The following IFI6 variants were observed in gnomAD, a reference collection of about 807,000 sequenced individuals.
IFI6 encodes interferon alpha-inducible protein 6.
Under a neutral mutation model 12.7 loss-of-function variants are expected in IFI6, and 10 were observed. That is an observed-to-expected ratio of 0.79 (90% CI 0.49 to 1.33). IFI6 has a LOEUF of 1.33. Among genes scored for constraint, IFI6 ranks in the 40% most tolerant of loss-of-function variants. The pLI is 0.00. For synonymous variants in IFI6, 89 were observed against 86.2 expected (o/e 1.03, Z -0.18); for missense variants, 154 against 180.4 (o/e 0.85, Z 0.84).
chr1:27,667,896 C>A (rs577855180), intron 4 of IFI6, among the ~76,000 whole-genome samples: 2 of 152,342 alleles, frequency 1.3e-5, no homozygotes, highest in East Asian at 1.9e-4. Flanking sequence ...CATGGTGAAA[C>A]CCCATCTCTA....
In IFI6 at chr1:27,666,227, T is replaced by C; in HGVS notation, c.*154A>G. On this transcript the variant is annotated 3_prime_UTR_variant, in exon 5 of 5. Transcript: ENST00000361157. ...CTAGGAGTTGGAGGCTGCAGTGTAC[T>C]ATGTTCGCATCTGTGAATAGCCACT... The C allele has an allele frequency of 1.8e-6, 1 of 548,372 alleles. No individual in the cohort carries two copies. Among genetic ancestry groups the C allele is most frequent in the Non-Finnish European group, 3.2e-6 (1 of 314,490 alleles). 34.0% of individuals were successfully genotyped at this position (548,372 alleles called of 1,614,324 possible).
intron 2 of IFI6, among the ~76,000 whole-genome samples, chr1:27,668,852 C>T (rs1252604135): frequency 6.6e-6 from 1 of 152,028 alleles, no homozygotes; most frequent in Non-Finnish European, 1.5e-5. Context: ...CTCTACACCC[C>T]GGACCCTGAA....
At chr1:27,668,141 A>C in intron 4 of IFI6, 85 bp downstream of exon 4, 1 of 1,203,030 alleles carries the variant, frequency 8.3e-7, no homozygotes, top group Non-Finnish European at 1.1e-6. Context: ...AAATTACTTA[A>C]TTCCTGAGTG....
At chr1:27,669,443 C>T (rs1400108838) in intron 1 of IFI6, 97 bp from the exon 2 acceptor site, 4 of 745,162 alleles carry the variant, frequency 5.4e-6, no homozygotes, top group Non-Finnish European at 9.1e-6. Context: ...CAGTAAAAAG[C>T]AGCGAGGTGT....
intron 1 of IFI6, 157 bp from the exon 2 acceptor site, chr1:27,669,503 T>C: frequency 1.7e-6 from 1 of 580,660 alleles, no homozygotes; most frequent in South Asian, 1.9e-5. Flanking sequence ...ATCCGTTTCC[T>C]CTCCGCATCA....
intron 1 of IFI6, 83 bp from the exon 2 acceptor site, chr1:27,669,429 G>T: frequency 1.2e-6 from 1 of 828,874 alleles, no homozygotes; most frequent in Non-Finnish European, 2.0e-6. Context: ...AGTTCCAACT[G>T]AATCAGTAAA....
intron 1 of IFI6, 53 bp from the exon 2 acceptor site, chr1:27,669,399 G>C: frequency 1.8e-6 from 2 of 1,130,206 alleles, no homozygotes; most frequent in Middle Eastern, 1.9e-4. Context: ...GAGCTCATCA[G>C]CTCCGTTGTT....
In IFI6 at chr1:27,666,236, A is replaced by G. The variant is rs2090349534; in HGVS notation, c.*145T>C. 1.8e-6 allele frequency: 1 copy of G among 544,554 alleles called. No individual in the cohort carries two copies. Among genetic ancestry groups the G allele is most frequent in the Non-Finnish European group, 3.1e-6 (1 of 321,586 alleles). The allele number at this position is 544,554 out of a possible 1,614,324, so 33.7% of individuals were successfully genotyped here. A position where few individuals can be genotyped will look rare whatever the true frequency, so the allele number is the denominator to read the frequency against. ...GGAGGCTGCAGTGTACTATGTTCGC[A>G]TCTGTGAATAGCCACTGCACTCTAG... On this transcript the variant is annotated 3_prime_UTR_variant, in exon 5 of 5. Coordinates refer to ENST00000361157, the MANE Select transcript of IFI6 (RefSeq NM_002038.4).
At chr1:27,669,526 TC>T (rs1374120058) in intron 1 of IFI6, 180 bp from the exon 2 acceptor site, 3 of 553,912 alleles carry the variant, frequency 5.4e-6, no homozygotes, top group African/African-American at 1.9e-5. Flanking sequence ...GGCAGAGATG[TC>T]CCTGCCCCAA....
intron 4 of IFI6, among the ~76,000 whole-genome samples, chr1:27,667,265 A>G (rs1208044416): frequency 5.3e-5 from 8 of 151,086 alleles, no homozygotes; most frequent in Admixed American, 5.3e-4. Flanking sequence ...AAAAAAAAAA[A>G]AAAGCCAGTG....
At chr1:27,668,633 G>T in intron 2 of IFI6, 98 bp from the exon 3 acceptor site, 1 of 918,954 alleles carries the variant, frequency 1.1e-6, no homozygotes, top group Non-Finnish European at 1.7e-6. Flanking sequence ...TGGAGGCGGG[G>T]GCCACCACTC....
intron 1 of IFI6, chr1:27,669,688 AGTTT>A (rs2090389663): frequency 3.6e-6 from 1 of 279,374 alleles, no homozygotes; most frequent in Non-Finnish European, 7.0e-6. Flanking sequence ...TCTGGGCTTC[AGTTT>A]GTTTATTTCT....
At chr1:27,671,459 C>A (rs1329156390) in intron 1 of IFI6, among the ~76,000 whole-genome samples, 1 of 148,672 alleles carries the variant, frequency 6.7e-6, no homozygotes, top group Non-Finnish European at 1.5e-5. Context: ...CATCTCACTG[C>A]AAGCTCCACC....
At position 27,668,266 on chromosome 1, in the gene IFI6, G is replaced by T; in HGVS notation, c.258C>A (p.Gly86=). The T allele has an allele frequency of 6.3e-7, 1 of 1,578,210 alleles. No homozygotes were observed. The highest frequency in any genetic ancestry group is 1.1e-5 in the South Asian group (1 of 87,516). ...TGGCCACTAGCCCCCCGGCGGGCAC[G>T]CCGCCCCCATTCAGGATCGCAGACC... ...MSWSAILNGG[G]VPAGGLVATL... Residue 86 remains glycine, a synonymous_variant, in exon 4 of 5, where the codon GGC becomes GGA. Transcript: ENST00000361157.
chr1:27,668,285 G>A lies in IFI6; in HGVS notation c.239C>T (p.Ala80Val), dbSNP rs866770658. ...GGGCACGCCGCCCCCATTCAGGATC[G>A]CAGACCAGCTCATCAGCGAGGCAGC... ...SVAASLMSWSAILNGGGVPAG... is the reference protein window; with the variant it reads ...SVAASLMSWSVILNGGGVPAG... The change falls in exon 4 of 5, where the codon GCG becomes GTG. Residue 80 changes from alanine (A) to valine (V), a missense_variant. Physicochemically the swap from Ala to Val is moderately conservative, Grantham distance 64. Transcript: ENST00000361157. The A allele has an allele frequency of 5.7e-6, 9 of 1,582,966 alleles. No homozygotes were observed. Among genetic ancestry groups the A allele is most frequent in the Admixed American group, 1.7e-5 (1 of 57,718 alleles).
chr1:27,666,934 T>C (rs1050364661), intron 4 of IFI6, among the ~76,000 whole-genome samples: 5 of 151,896 alleles, frequency 3.3e-5, no homozygotes, highest in African/African-American at 1.2e-4. Context: ...TTTGGGCTGG[T>C]TCTTTGGGCT....
intron 1 of IFI6, among the ~76,000 whole-genome samples, chr1:27,671,665 C>A (rs1323234091): frequency 2.0e-5 from 3 of 151,368 alleles, no homozygotes; most frequent in Non-Finnish European, 4.4e-5. Flanking sequence ...GGATTACAGG[C>A]GTGAACCACC....
chr1:27,668,290 C>G lies in IFI6; in HGVS notation c.234G>C (p.Trp78Cys), dbSNP rs1309639561. ...CGCCGCCCCCATTCAGGATCGCAGA[C>G]CAGCTCATCAGCGAGGCAGCCACCG... ...ANSVAASLMS[W>C]SAILNGGGVP... is the part of the protein sequence containing the mutation. The change falls in exon 4 of 5, where the codon TGG becomes TGC. Residue 78 changes from tryptophan (W) to cysteine (C), a missense_variant. Trp to Cys is a radical substitution (Grantham distance 215, BLOSUM62 -2). Transcript: ENST00000361157. The G allele has an allele frequency of 2.5e-6, 4 of 1,584,104 alleles. No individual in the cohort carries two copies. Among genetic ancestry groups the G allele is most frequent in the Non-Finnish European group, 3.4e-6 (4 of 1,168,654 alleles).
At chr1:27,671,677 C>CGCCCGGCCACCAA (rs2090405634) in intron 1 of IFI6, among the ~76,000 whole-genome samples, 2 of 151,328 alleles carry the variant, frequency 1.3e-5, no homozygotes, top group African/African-American at 4.8e-5. Flanking sequence ...TGAACCACCA[C>CGCCCGGCCACCAA]GCCCGGCCAC....
Sources: gnomAD v4.1 joint callset for allele counts (sites outside exome capture counted in the v4.1 genomes callset) on GRCh38, gnomAD v4.1.1 for gene constraint, MANE v1.5 for transcripts, NCBI Gene and HGNC (gene_info 2026-07-23, HGNC 2026-07-21) for gene names.